HECTD4: variants seen among roughly 807,000 people sequenced by gnomAD.
The protein encoded by HECTD4 is HECT domain E3 ubiquitin protein ligase 4, also known as probable E3 ubiquitin-protein ligase HECTD4.
HECTD4 carries 114 observed loss-of-function variants against 471.5 expected under a neutral mutation model. The observed-to-expected ratio is 0.24, with a 90% CI of 0.21 to 0.28. The LOEUF is 0.28. HECTD4 is among the 10% of genes least tolerant of loss of function. The probability of loss-of-function intolerance (pLI) is 1.00; values close to 1 mark genes in which losing one functional copy is unlikely to be tolerated. For synonymous variants in HECTD4, 2,012 were observed against 2,256.0 expected, an observed-to-expected ratio of 0.89 and a Z score of 3.07; for missense variants, 3,866 against 5,651.5, an observed-to-expected ratio of 0.68 and a Z score of 10.13.
chr12:112,215,311 T>A (rs1055454521), intron 48 of HECTD4, among the ~76,000 whole-genome samples: 6 of 152,172 alleles, frequency 3.9e-5, no homozygotes, highest in Non-Finnish European at 8.8e-5. Context: ...ATATTCCCCA[T>A]CTCATCATCC....
At chr12:112,367,853 A>T (rs2036597485) in intron 1 of HECTD4, among the ~76,000 whole-genome samples, 1 of 148,866 alleles carries the variant, frequency 6.7e-6, no homozygotes, top group Admixed American at 6.8e-5. Context: ...AAAAAACGCT[A>T]ACACGTCATA....
Position 112,308,897 on chromosome 12 carries a change from G to C in HECTD4, c.1026-6C>G. The C allele has an allele frequency of 1.3e-6, 2 of 1,535,572 alleles. No individual in the cohort carries two copies. Among genetic ancestry groups the C allele is most frequent in the Admixed American group, 2.0e-5 (1 of 50,864 alleles). ...TCCGGCAGTACACAAAACCTCTGTG[G>C]AATGAAATGGAGCACAGGCTGAATC... On this transcript the variant is annotated splice_region_variant and splice_polypyrimidine_tract_variant and intron_variant, in intron 5 of 75. Transcript: ENST00000682272.
At chr12:112,254,478 T>C (rs561866512) in intron 21 of HECTD4, among the ~76,000 whole-genome samples, 2 of 152,328 alleles carry the variant, frequency 1.3e-5, no homozygotes, top group African/African-American at 4.8e-5. Flanking sequence ...TGTACATCAA[T>C]ATTTTTGAAA....
At chr12:112,349,388 C>CAAAAAA (rs60480485) in intron 1 of HECTD4, among the ~76,000 whole-genome samples, 32 of 54,602 alleles carry the variant, frequency 5.9e-4, no homozygotes, top group African/African-American at 1.3e-3. Context: ...ACTCTTGCTC[C>CAAAAAA]AAAAAAAAAA....
chr12:112,378,231 C>A (rs1277742239), intron 1 of HECTD4, among the ~76,000 whole-genome samples: 1 of 151,634 alleles, frequency 6.6e-6, no homozygotes, highest in Admixed American at 6.6e-5. Context: ...CTCTTTTTTT[C>A]TTTTTTTGAC....
At chr12:112,221,298 G>A (rs1457519646) in intron 44 of HECTD4, among the ~76,000 whole-genome samples, 1 of 152,064 alleles carries the variant, frequency 6.6e-6, no homozygotes, top group Non-Finnish European at 1.5e-5. Flanking sequence ...TCTCAGGCTG[G>A]AGGGCAGTGG....
chr12:112,216,458 G>C (rs1231211727), intron 47 of HECTD4, 87 bp from the exon 48 acceptor site: 4 of 887,312 alleles, frequency 4.5e-6, no homozygotes, highest in Non-Finnish European at 5.5e-6. Context: ...GTGAAGTGGA[G>C]GGGGGGTGGT....
At chr12:112,343,750 A>T (rs2036093073) in intron 1 of HECTD4, among the ~76,000 whole-genome samples, 1 of 152,154 alleles carries the variant, frequency 6.6e-6, no homozygotes, top group Admixed American at 6.6e-5. Context: ...CAGCCTGGGC[A>T]ACAGACAGAG....
chr12:112,270,329 A>C lies in HECTD4; in HGVS notation c.2073T>G (p.His691Gln). Residue 691 changes from histidine to glutamine, a missense_variant, in exon 12 of 76, where the codon CAT becomes CAG. By Grantham distance (24) the His-to-Gln change is conservative. Coordinates refer to ENST00000682272, the MANE Select transcript of HECTD4 (RefSeq NM_001388303.1). ...TGCTAAGATGATGTGCTTCAATTGG[A>C]TGCTGCTTGCCCAAGACACTTGTGA... ...LPITSVLGKQHPIEAHHLSSI... is the reference protein window; with the variant it reads ...LPITSVLGKQQPIEAHHLSSI... The C allele has an allele frequency of 6.2e-7, 1 of 1,614,034 alleles. No individual in the cohort carries two copies. Among genetic ancestry groups the C allele is most frequent in the Non-Finnish European group, 8.5e-7 (1 of 1,179,886 alleles).
At chr12:112,222,424 T>C (rs143154192) in intron 44 of HECTD4, among the ~76,000 whole-genome samples, 2 of 152,270 alleles carry the variant, frequency 1.3e-5, no homozygotes, top group African/African-American at 4.8e-5. Flanking sequence ...CCCAGCACTT[T>C]GGGAGGTTGA....
Position 112,314,555 on chromosome 12 carries a change from A to G in HECTD4, c.696-9T>C. On this transcript the variant is annotated splice_polypyrimidine_tract_variant and intron_variant, in intron 2 of 75. Coordinates refer to ENST00000682272, the MANE Select transcript of HECTD4 (RefSeq NM_001388303.1). Reference sequence around the variant, plus strand: ...AAGTTTTCAATGATCCCCTAAAAATAAAAGGAAGGAACAGTAAATCATCAA... The same window carrying G: ...AAGTTTTCAATGATCCCCTAAAAATGAAAGGAAGGAACAGTAAATCATCAA... The G allele has an allele frequency of 7.2e-7, 1 of 1,388,580 alleles. No homozygotes were observed. The highest frequency in any genetic ancestry group is 9.9e-7 in the Non-Finnish European group (1 of 1,013,026). The allele number at this position is 1,388,580 out of a possible 1,614,324, so 86.0% of individuals were successfully genotyped here. A position where few individuals can be genotyped will look rare whatever the true frequency, so the allele number is the denominator to read the frequency against.
At chr12:112,312,032 A>AG (rs1194882130) in intron 4 of HECTD4, among the ~76,000 whole-genome samples, 2 of 152,202 alleles carry the variant, frequency 1.3e-5, no homozygotes, top group Non-Finnish European at 2.9e-5. Flanking sequence ...GAGAGATGCG[A>AG]GGGGGCCTGC....
At chr12:112,283,382 G>T in intron 7 of HECTD4, 80 bp from the exon 8 acceptor site, 1 of 1,108,644 alleles carries the variant, frequency 9.0e-7, no homozygotes, top group South Asian at 1.7e-5. Flanking sequence ...ATATTATTGT[G>T]AGTAAATAAA....
Position 112,235,476 on chromosome 12 carries a change from G to A in HECTD4, c.5725+28C>T. ...GGGCACAGGAATGCTGCACTGCCAT[G>A]CTACTCTCCTGTTGAGGAGCTTCTC... On this transcript the variant is annotated intron_variant, in intron 36 of 75. Transcript: ENST00000682272. The surrounding 1 kb of genome is among the most constrained non-coding windows in gnomAD (Gnocchi z 5.0). 2.5e-6 allele frequency: 4 copies of A among 1,580,362 alleles called. No homozygotes were observed. Among genetic ancestry groups the A allele is most frequent in the South Asian group, 1.2e-5 (1 of 84,718 alleles).
chr12:112,363,992 C>CCAAAAAAA (rs2036507651), intron 1 of HECTD4, among the ~76,000 whole-genome samples: 1 of 52,888 alleles, frequency 1.9e-5, no homozygotes, highest in Non-Finnish European at 3.5e-5. Flanking sequence ...ACTCAATCTC[C>CCAAAAAAA]AAAAAAAAAA....
intron 29 of HECTD4, 27 bp downstream of exon 29, chr12:112,246,874 C>G (rs537598030): frequency 7.5e-6 from 12 of 1,591,442 alleles, no homozygotes; most frequent in African/African-American, 1.4e-5. Flanking sequence ...TAACAGAAGC[C>G]GATTAGGGGC....
chr12:112,219,593 G>A, intron 44 of HECTD4, 104 bp from the exon 45 acceptor site: 1 of 710,644 alleles, frequency 1.4e-6, no homozygotes, highest in Non-Finnish European at 2.3e-6. Flanking sequence ...CACTTATAGA[G>A]CTCATTGAAT....
intron 1 of HECTD4, chr12:112,321,650 A>G (rs1001738427): frequency 2.6e-5 from 4 of 152,194 alleles, no homozygotes; most frequent in Admixed American, 2.6e-4. Flanking sequence ...GCCTTTAGAA[A>G]CTTGTTATTA....
At chr12:112,334,080 C>T (rs1025625269) in intron 1 of HECTD4, among the ~76,000 whole-genome samples, 4 of 151,794 alleles carry the variant, frequency 2.6e-5, no homozygotes, top group Middle Eastern at 3.2e-3. Context: ...TGTGGTGGTG[C>T]GTGCTGTAGT....
Sources: gnomAD v4.1 joint callset for allele counts (sites outside exome capture counted in the v4.1 genomes callset) on GRCh38, gnomAD v4.1.1 for gene constraint, Gnocchi (gnomAD v3.1) non-coding constraint, MANE v1.5 for transcripts, NCBI Gene and HGNC (gene_info 2026-07-23, HGNC 2026-07-21) for gene names.